DMD: variants seen among roughly 807,000 people sequenced by gnomAD.
The protein encoded by DMD is dystrophin.
Under a neutral mutation model 330.1 loss-of-function variants are expected in DMD, and 63 were observed. That is an observed-to-expected ratio of 0.19 (90% CI 0.16 to 0.24). DMD has a LOEUF of 0.24. Ranked by LOEUF, DMD falls within the 10% of genes least tolerant of loss-of-function variation. The pLI is 1.00. For synonymous variants in DMD, 1,223 were observed against 959.8 expected (o/e 1.27, Z -5.07); for missense variants, 3,344 against 2,684.1 (o/e 1.25, Z -5.43).
At chrX:32,211,532 GCTTAAC>G (rs1186328469) in intron 44 of DMD, among the ~76,000 whole-genome samples, 1 of 111,716 alleles carries the variant, frequency 9.0e-6, no homozygotes, top group Non-Finnish European at 1.9e-5. Context: ...AAACCAATTA[GCTTAAC>G]CTTAACAAGA....
intron 76 of DMD, among the ~76,000 whole-genome samples, chrX:31,136,499 G>A (rs1049390794): frequency 3.6e-5 from 4 of 111,952 alleles, no homozygotes; most frequent in Non-Finnish European, 5.6e-5. Flanking sequence ...TTGCGGAACT[G>A]GGAAACATGA....
intron 37 of DMD, among the ~76,000 whole-genome samples, chrX:32,358,294 C>A (rs2097814390): frequency 9.0e-6 from 1 of 110,551 alleles, no homozygotes; most frequent in African/African-American, 3.3e-5. Flanking sequence ...CTTCCCATGC[C>A]CCTTCCTATA....
chrX:31,225,847 C>T (rs1464164152), intron 63 of DMD, among the ~76,000 whole-genome samples: 1 of 111,585 alleles, frequency 9.0e-6, no homozygotes, highest in Non-Finnish European at 1.9e-5. Flanking sequence ...CACCAAGCAC[C>T]CCAAAAGACA....
intron 1 of DMD, among the ~76,000 whole-genome samples, chrX:33,093,792 G>T (rs2148326240): frequency 9.0e-6 from 1 of 110,836 alleles, no homozygotes; most frequent in South Asian, 3.7e-4. Flanking sequence ...TAATAACTAA[G>T]ACGTAATCAA....
At chrX:32,824,794 A>G (rs2078562913) in intron 4 of DMD, among the ~76,000 whole-genome samples, 2 of 111,904 alleles carry the variant, frequency 1.8e-5, no homozygotes, top group African/African-American at 6.5e-5. Context: ...GAAAATCTGA[A>G]TACTATTGGT....
At chrX:32,844,417 A>G (rs775754579) in intron 4 of DMD, among the ~76,000 whole-genome samples, 102 of 59,240 alleles carry the variant, frequency 1.7e-3, no homozygotes, top group Middle Eastern at 9.1e-3. Flanking sequence ...AAAAAAAAAA[A>G]AAAAGAAAAG....
intron 44 of DMD, among the ~76,000 whole-genome samples, chrX:32,086,164 T>C (rs1330789312): frequency 8.9e-6 from 1 of 111,946 alleles, no homozygotes; most frequent in African/African-American, 3.2e-5. Flanking sequence ...GTGATTACTC[T>C]TGGGAGACTA....
chrX:31,175,852 C>T (rs1049945979), intron 71 of DMD, among the ~76,000 whole-genome samples: 1 of 111,270 alleles, frequency 9.0e-6, no homozygotes, highest in East Asian at 2.8e-4. Flanking sequence ...CAAAGAATAT[C>T]GTTTGACTGG....
intron 7 of DMD, among the ~76,000 whole-genome samples, chrX:32,809,182 A>G (rs2077163409): frequency 8.9e-6 from 1 of 111,913 alleles, no homozygotes; most frequent in South Asian, 3.7e-4. Flanking sequence ...TAAGCAAAAC[A>G]TTAACTTTTT....
intron 43 of DMD, among the ~76,000 whole-genome samples, chrX:32,273,237 A>C (rs910822001): frequency 1.8e-5 from 2 of 110,150 alleles, no homozygotes; most frequent in Non-Finnish European, 3.8e-5. Context: ...GGGTTAACTA[A>C]AGACAAAGTT....
intron 55 of DMD, among the ~76,000 whole-genome samples, chrX:31,598,662 C>T (rs907129897): frequency 7.2e-5 from 8 of 111,565 alleles, no homozygotes; most frequent in Admixed American, 9.5e-5. Flanking sequence ...TGCATGATAT[C>T]GGTACTAAAC....
chrX:32,184,492 G>T (rs1220922674), intron 44 of DMD, among the ~76,000 whole-genome samples: 2 of 111,202 alleles, frequency 1.8e-5, no homozygotes, highest in East Asian at 5.6e-4. Context: ...GGAAGGAATT[G>T]TATTATAGTA....
intron 55 of DMD, among the ~76,000 whole-genome samples, chrX:31,550,841 T>C (rs1012866369): frequency 1.8e-5 from 2 of 111,779 alleles, no homozygotes; most frequent in Non-Finnish European, 3.8e-5. Flanking sequence ...TAGGAAACAC[T>C]GTAGGGAACA....
chrX:32,688,358 C>T (rs1436523214), intron 9 of DMD, among the ~76,000 whole-genome samples: 1 of 112,179 alleles, frequency 8.9e-6, no homozygotes, highest in Non-Finnish European at 1.9e-5. Context: ...TCATCTCTTC[C>T]AGAAACTCCA....
At position 33,296,281 on chromosome X, in the gene DMD, C is replaced by T. The variant is rs754917976; in HGVS notation, c.7+42978G>A. On this transcript the variant is annotated intron_variant, in intron 1 of 17. Transcript: ENST00000288447. ...ATGAAACATCACTGTCTGAATGGAG[C>T]AAACTAAAAAATAAATAATAAAAGG... is the stretch of plus-strand genomic sequence containing the variant. Among the ~76,000 whole-genome samples, 94 of 110,446 alleles carry T rather than the reference C, an allele frequency of 8.5e-4. 1 individual carries two copies. The highest frequency in any genetic ancestry group is 3.0e-3 in the African/African-American group (93 of 30,527).
intron 55 of DMD, among the ~76,000 whole-genome samples, chrX:31,520,840 C>T (rs887254930): frequency 3.6e-5 from 4 of 110,254 alleles, no homozygotes; most frequent in South Asian, 4.0e-4. Flanking sequence ...CCACCACGCC[C>T]GGCTAATTTT....
At chrX:32,964,994 A>G (rs1310108843) in intron 2 of DMD, among the ~76,000 whole-genome samples, 1 of 111,547 alleles carries the variant, frequency 9.0e-6, no homozygotes, top group Non-Finnish European at 1.9e-5. Flanking sequence ...GGAGCTGGTG[A>G]AACACATTAA....
rs146996806 is a variant in DMD, at chrX:33,006,669, T to C, written c.93+13470A>G. ...CACACTCATACAATGCTAGAGGCACTTGTATCATCTCTCATTGTTCCTTAT... is the reference window on the plus strand; with the variant it reads ...CACACTCATACAATGCTAGAGGCACCTGTATCATCTCTCATTGTTCCTTAT... On this transcript the variant is annotated intron_variant, in intron 2 of 78. Transcript: ENST00000357033. Among the ~76,000 whole-genome samples, 217 of 111,727 alleles carry C rather than the reference T, an allele frequency of 1.9e-3. 3 individuals carry two copies. Among genetic ancestry groups the C allele is most frequent in the African/African-American group, 6.9e-3 (212 of 30,885 alleles).
At chrX:32,203,767 G>C (rs1020230959) in intron 44 of DMD, among the ~76,000 whole-genome samples, 8 of 111,520 alleles carry the variant, frequency 7.2e-5, no homozygotes, top group Admixed American at 1.9e-4. Flanking sequence ...ATCAAACAGA[G>C]ATTACCATGA....
Sources: allele counts gnomAD v4.1 joint callset (sites outside exome capture counted in the v4.1 genomes callset), GRCh38; gene constraint gnomAD v4.1.1; transcripts MANE v1.5; gene names NCBI Gene and HGNC (gene_info 2026-07-23, HGNC 2026-07-21).